The following CCDC190 variants were observed in gnomAD, a reference collection of about 807,000 sequenced individuals.
CCDC190 encodes the protein coiled-coil domain containing 190.
A neutral mutation model predicts 13.1 loss-of-function variants in CCDC190; 10 were observed. That is an observed-to-expected ratio of 0.77 (90% CI 0.47 to 1.30). The LOEUF is 1.30. Ranked by LOEUF, CCDC190 falls within the 50% of genes most tolerant of loss-of-function variation. CCDC190 has a pLI of 0.00. For missense variants in CCDC190, 375 were observed against 354.3 expected, an observed-to-expected ratio of 1.06 and a Z score of -0.47; for synonymous variants, 136 against 127.2, an observed-to-expected ratio of 1.07 and a Z score of -0.47.
upstream of CCDC190, among the ~76,000 whole-genome samples, chr1:162,861,824 G>A (rs748041786): frequency 3.3e-5 from 5 of 152,252 alleles, no homozygotes; most frequent in South Asian, 2.1e-4. Flanking sequence ...AAAATAAGAC[G>A]CACTGATATG....
upstream of CCDC190, among the ~76,000 whole-genome samples, chr1:162,861,921 A>G (rs948006608): frequency 1.3e-5 from 2 of 152,070 alleles, no homozygotes; most frequent in African/African-American, 4.8e-5. Flanking sequence ...AGGCCCTACT[A>G]ACCACAATCA....
In CCDC190 at chr1:162,855,344, A is replaced by G; in HGVS notation, c.327T>C (p.Arg109=). 6.2e-7 allele frequency: 1 copy of G among 1,604,116 alleles called. No homozygotes were observed. The highest frequency in any genetic ancestry group is 8.5e-7 in the Non-Finnish European group (1 of 1,177,602). ...QAKKMRALAT[R]MAQDTCKSKS... ...TGCTTTTGCATGTGTCTTGGGCCAT[A>G]CGGGTTGCCAATGCTCTGAGAAAGG... The change falls in exon 4 of 4, where the codon CGT becomes CGC. Residue 109 remains arginine (R), a synonymous_variant. Coordinates refer to ENST00000367912, the MANE Select transcript of CCDC190 (RefSeq NM_001394065.1).
intron 2 of CCDC190, among the ~76,000 whole-genome samples, chr1:162,859,176 T>C (rs1650411816): frequency 6.6e-6 from 1 of 152,072 alleles, no homozygotes; most frequent in Non-Finnish European, 1.5e-5. Flanking sequence ...AATTTAAAAG[T>C]AGAAAACGAA....
upstream of CCDC190, among the ~76,000 whole-genome samples, chr1:162,863,504 T>A (rs1557810290): frequency 6.6e-6 from 1 of 151,598 alleles, no homozygotes; most frequent in East Asian, 1.9e-4. Flanking sequence ...TTCATGAAAT[T>A]AAAAAAAACT....
In CCDC190 at chr1:162,854,427, C is replaced by A; in HGVS notation, c.*338G>T. On this transcript the variant is annotated 3_prime_UTR_variant, in exon 4 of 4. Transcript: ENST00000367912. Reference sequence around the variant, plus strand: ...GCTATGCCGTTTTGCCAGCAGGTGGCACCATGAGAATCTCCTAGAGGAAAC... The same window carrying A: ...GCTATGCCGTTTTGCCAGCAGGTGGAACCATGAGAATCTCCTAGAGGAAAC... The A allele has an allele frequency of 1.9e-6, 2 of 1,055,918 alleles. No individual in the cohort carries two copies. Among genetic ancestry groups the A allele is most frequent in the Non-Finnish European group, 2.3e-6 (2 of 874,046 alleles). The allele number at this position is 1,055,918 out of a possible 1,614,324, so 65.4% of individuals were successfully genotyped here.
At chr1:162,859,849 G>A (rs973777584) in intron 1 of CCDC190, among the ~76,000 whole-genome samples, 191 bp from the exon 2 acceptor site, 2 of 151,746 alleles carry the variant, frequency 1.3e-5, no homozygotes, top group African/African-American at 4.8e-5. Flanking sequence ...TCATTCCTCT[G>A]AGCCTCAGCC....
In CCDC190 at chr1:162,853,027, A is replaced by C; in HGVS notation, c.*1738T>G. On this transcript the variant is annotated 3_prime_UTR_variant, in exon 4 of 4. Coordinates refer to ENST00000367912, the MANE Select transcript of CCDC190 (RefSeq NM_001394065.1). ...GTGCAAATAAATTAAGTTTTTGTGAATCAATCAGTTCTGTCACTTATGGCC... is the reference window on the plus strand; with the variant it reads ...GTGCAAATAAATTAAGTTTTTGTGACTCAATCAGTTCTGTCACTTATGGCC... The C allele has an allele frequency of 2.5e-6, 3 of 1,213,976 alleles. No homozygotes were observed. Among genetic ancestry groups the C allele is most frequent in the Non-Finnish European group, 3.6e-6 (3 of 843,378 alleles). The allele number at this position is 1,213,976 out of a possible 1,614,324, so 75.2% of individuals were successfully genotyped here. A position where few individuals can be genotyped will look rare whatever the true frequency, so the allele number is the denominator to read the frequency against.
upstream of CCDC190, among the ~76,000 whole-genome samples, chr1:162,862,990 T>C (rs1650572348): frequency 6.6e-6 from 1 of 151,784 alleles, no homozygotes; most frequent in African/African-American, 2.4e-5. Flanking sequence ...GCAAGAAATG[T>C]GTAGAATTTG....
At chr1:162,868,092 T>G (rs12043366) in intron 1 of CCDC190, among the ~76,000 whole-genome samples, 21,703 of 152,206 alleles carry the variant, frequency 0.14, 1,623 homozygotes, top group Middle Eastern at 0.19. Context: ...TAAAAAAAAC[T>G]TAATATCATA....
intron 1 of CCDC190, among the ~76,000 whole-genome samples, chr1:162,866,683 G>A (rs1291979467): frequency 6.6e-6 from 1 of 152,022 alleles, no homozygotes; most frequent in Non-Finnish European, 1.5e-5. Context: ...AATATTATCT[G>A]ATTTCGAGAC....
upstream of CCDC190, among the ~76,000 whole-genome samples, chr1:162,863,263 G>C (rs1330016975): frequency 6.6e-6 from 1 of 152,174 alleles, no homozygotes; most frequent in African/African-American, 2.4e-5. Context: ...CAAAGAATCT[G>C]TCATTTATAG....
rs1233376511 is a variant in CCDC190 at position 162,853,712 on chromosome 1, T to A, written c.*1053A>T. Among the ~76,000 whole-genome samples, 1 of 152,176 alleles carries A rather than the reference T, an allele frequency of 6.6e-6. No individual in the cohort carries two copies. The highest frequency in any genetic ancestry group is 1.5e-5 in the Non-Finnish European group (1 of 68,028). On this transcript the variant is annotated 3_prime_UTR_variant, in exon 4 of 4. Coordinates refer to ENST00000367912, the MANE Select transcript of CCDC190 (RefSeq NM_001394065.1). ...ATGAAATAGGCCCTCAAGTTTATTC[T>A]TCTGGAATTAAAGTTTGTTATTGGG...
rs980072988 is a variant in CCDC190, at chr1:162,851,691, C to T, written c.*3074G>A. The T allele has an allele frequency of 6.6e-6, 1 of 152,124 alleles. No individual in the cohort carries two copies. The highest frequency in any genetic ancestry group is 6.5e-5 in the Admixed American group (1 of 15,272). The allele number at this position is 152,124 out of a possible 1,614,324, so 9.4% of individuals were successfully genotyped here. On this transcript the variant is annotated 3_prime_UTR_variant, in exon 4 of 4. Coordinates refer to ENST00000367912, the MANE Select transcript of CCDC190 (RefSeq NM_001394065.1). ...AACAAGTCAAAAGCCCCTTCTTCCT[C>T]ATGGGGGAGGAAATGGGGAAGGGAT... is the stretch of plus-strand genomic sequence containing the variant.
At chr1:162,867,100 G>A (rs1212559268) in intron 1 of CCDC190, among the ~76,000 whole-genome samples, 1 of 151,682 alleles carries the variant, frequency 6.6e-6, no homozygotes, top group Admixed American at 6.6e-5. Context: ...TGATAAAATT[G>A]ACTTAATAAA....
At chr1:162,863,378 G>T (rs1457396080), upstream of CCDC190, among the ~76,000 whole-genome samples, 2 of 152,104 alleles carry the variant, frequency 1.3e-5, no homozygotes, top group Admixed American at 6.5e-5. Flanking sequence ...TCAATTTAAA[G>T]TAATTCATGT....
chr1:162,858,599 A>G (rs540086711), intron 2 of CCDC190, among the ~76,000 whole-genome samples: 1 of 152,320 alleles, frequency 6.6e-6, no homozygotes, highest in Admixed American at 6.5e-5. Flanking sequence ...CGTTTACAGC[A>G]CCTGGCCTTC....
chr1:162,856,048 C>G, intron 2 of CCDC190: 1 of 211,380 alleles, frequency 4.7e-6, no homozygotes, highest in East Asian at 1.0e-4. Context: ...AGAGCCTGCC[C>G]TCACAATTTT....
rs764643155 is a variant in CCDC190 at position 162,855,730 on chromosome 1, AGAG to A, written c.210_212del (p.Ser71del). 140 of 1,609,598 alleles carry A rather than the reference AGAG, an allele frequency of 8.7e-5. No individual in the cohort carries two copies. Among genetic ancestry groups the A allele is most frequent in the Non-Finnish European group, 1.1e-4 (133 of 1,177,420 alleles). On this transcript the variant is annotated inframe_deletion, in exon 3 of 4. Transcript: ENST00000367912. ...TCTTCTGAAATCCATTCCCCAAATA[AGAG>A]GAGAACTTTTTCTTCATGGTTTCTG...
Position 162,855,253 on chromosome 1 carries a change from G to A in CCDC190, c.418C>T (p.Leu140Phe), listed in dbSNP as rs375267486. The change falls in exon 4 of 4, where the codon CTC becomes TTC. Residue 140 changes from leucine to phenylalanine, a missense_variant. Coordinates refer to ENST00000367912, the MANE Select transcript of CCDC190 (RefSeq NM_001394065.1). ...CAGGCAGTTCTGTTATTTTGAGAGA[G>A]TGGCTGCTTTTTGCTCTTCATGGGG... is the stretch of plus-strand genomic sequence containing the variant. ...KDPMKSKKQP[L>F]SQNNRTACFI... 105 of 1,613,962 alleles carry A rather than the reference G, an allele frequency of 6.5e-5. No individual in the cohort carries two copies. The African/African-American group carries it at 1.3e-3, about 20-fold the overall frequency.
Sources: gnomAD v4.1 joint callset for allele counts (sites outside exome capture counted in the v4.1 genomes callset) on GRCh38, gnomAD v4.1.1 for gene constraint, MANE v1.5 for transcripts, NCBI Gene and HGNC (gene_info 2026-07-23, HGNC 2026-07-21) for gene names.